STAM2: variants seen among roughly 807,000 people sequenced by gnomAD.
STAM2 encodes the protein signal transducing adapter molecule 2.
A neutral mutation model predicts 65.6 loss-of-function variants in STAM2; 51 were observed. That is an observed-to-expected ratio of 0.78 (90% confidence interval 0.62 to 0.98). The LOEUF is 0.98. Among genes scored for constraint, STAM2 ranks in the 50% least tolerant of loss-of-function variants. The pLI is 0.00. For synonymous variants in STAM2, 198 were observed against 208.4 expected, an observed-to-expected ratio of 0.95 and a Z score of 0.43; for missense variants, 584 against 617.8, an observed-to-expected ratio of 0.95 and a Z score of 0.58.
chr2:152,156,448 G>A (rs1689548206), intron 1 of STAM2, among the ~76,000 whole-genome samples: 1 of 152,130 alleles, frequency 6.6e-6, no homozygotes, highest in African/African-American at 2.4e-5. Flanking sequence ...TTTGCCCAAT[G>A]TTGGGGCCCT....
chr2:152,175,208 C>T (rs1201910381), intron 1 of STAM2, among the ~76,000 whole-genome samples: 2 of 152,210 alleles, frequency 1.3e-5, no homozygotes, highest in Non-Finnish European at 2.9e-5. Flanking sequence ...ACAGCAGGGT[C>T]TCCACTGCTG....
chr2:152,172,908 A>T (rs1266985640), intron 1 of STAM2, among the ~76,000 whole-genome samples: 1 of 151,792 alleles, frequency 6.6e-6, no homozygotes, highest in Non-Finnish European at 1.5e-5. Context: ...TGGGAAGGAG[A>T]GGATAGTGTC....
At position 152,122,546 on chromosome 2, in the gene STAM2, A is replaced by T. The variant is rs567861838; in HGVS notation, c.1349+1220T>A. Reference sequence around the variant, plus strand: ...TCCACAGTTCCTAGTGTTACCAAACATAGCAAAATTTTATATTTTATTCTA... The same window carrying T: ...TCCACAGTTCCTAGTGTTACCAAACTTAGCAAAATTTTATATTTTATTCTA... On this transcript the variant is annotated intron_variant, in intron 13 of 13. Transcript: ENST00000263904. 6.6e-5 allele frequency among the ~76,000 whole-genome samples: 10 copies of T among 152,230 alleles called. 1 individual carries two copies. In the South Asian group the frequency reaches 2.1e-3, roughly 32 times the overall value.
At chr2:152,162,074 T>G (rs2105563305) in intron 1 of STAM2, among the ~76,000 whole-genome samples, 1 of 152,300 alleles carries the variant, frequency 6.6e-6, no homozygotes, top group Non-Finnish European at 1.5e-5. Context: ...CCACTCATCT[T>G]GGCCTCCCAA....
At position 152,175,705 on chromosome 2, in the gene STAM2, G is replaced by A. The variant is rs1050820543; in HGVS notation, c.-63C>T. 24 of 1,561,200 alleles carry A rather than the reference G, an allele frequency of 1.5e-5. No individual in the cohort carries two copies. The African/African-American group carries it at 2.4e-4, about 16-fold the overall frequency. ...TGACACTCAGCAACTGCTACCCGCC[G>A]GGTGACCCGCGGCCGCGGCTCCCTA... On this transcript the variant is annotated 5_prime_UTR_variant, in exon 1 of 14. Transcript: ENST00000263904.
intron 1 of STAM2, among the ~76,000 whole-genome samples, chr2:152,154,443 C>G (rs1218212089): frequency 6.6e-6 from 1 of 152,204 alleles, no homozygotes. Flanking sequence ...TGGTAAAACC[C>G]TGTCTCTACA....
chr2:152,155,082 C>G (rs1356474147), intron 1 of STAM2, among the ~76,000 whole-genome samples: 1 of 152,156 alleles, frequency 6.6e-6, no homozygotes, highest in Admixed American at 6.5e-5. Flanking sequence ...AACCTTTCAC[C>G]ACATTCCACC....
intron 13 of STAM2, among the ~76,000 whole-genome samples, chr2:152,121,422 G>A (rs1047662960): frequency 3.9e-5 from 6 of 152,154 alleles, no homozygotes; most frequent in African/African-American, 1.2e-4. Context: ...AACTGTTCCT[G>A]ACAGAAGTAC....
intron 1 of STAM2, among the ~76,000 whole-genome samples, chr2:152,161,803 T>C (rs1689683392): frequency 6.6e-6 from 1 of 152,176 alleles, no homozygotes; most frequent in African/African-American, 2.4e-5. Context: ...TTCTTAAAAA[T>C]ACATTCTGCA....
intron 11 of STAM2, among the ~76,000 whole-genome samples, chr2:152,129,887 A>C (rs1689027472): frequency 6.6e-6 from 1 of 152,230 alleles, no homozygotes; most frequent in South Asian, 2.1e-4. Context: ...TCATTTCTTT[A>C]GAAAACACAA....
chr2:152,122,089 T>C (rs1454352417), intron 13 of STAM2, among the ~76,000 whole-genome samples: 1 of 150,598 alleles, frequency 6.6e-6, no homozygotes, highest in Non-Finnish European at 1.5e-5. Context: ...TGTGTGTGTG[T>C]GTGTGTGTGT....
chr2:152,119,169 A>G lies in STAM2; in HGVS notation c.*1405T>C, dbSNP rs1172493792. On this transcript the variant is annotated 3_prime_UTR_variant, in exon 14 of 14. Coordinates refer to ENST00000263904, the MANE Select transcript of STAM2 (RefSeq NM_005843.6). ...TTTTTCCCAATCTGAATATGTTTCC[A>G]TACATGTATGTATTTGCAATTTCTA... 1 of 152,214 alleles carries G rather than the reference A, an allele frequency of 6.6e-6. No homozygotes were observed. Among genetic ancestry groups the G allele is most frequent in the Non-Finnish European group, 1.5e-5 (1 of 68,020 alleles). The allele number at this position is 152,214 out of a possible 1,614,324, so 9.4% of individuals were successfully genotyped here.
chr2:152,168,632 T>C (rs772027127), intron 1 of STAM2, among the ~76,000 whole-genome samples: 2 of 152,360 alleles, frequency 1.3e-5, no homozygotes, highest in Non-Finnish European at 1.5e-5. Flanking sequence ...TAAATGTTAT[T>C]AAGGAATAAA....
intron 1 of STAM2, among the ~76,000 whole-genome samples, chr2:152,175,357 T>C (rs1473302762): frequency 6.6e-6 from 1 of 152,086 alleles, no homozygotes; most frequent in Non-Finnish European, 1.5e-5. Context: ...AATCCTACGC[T>C]TGGCAAGGAG....
chr2:152,159,110 TACACACACAG>T (rs1689610364), intron 1 of STAM2, among the ~76,000 whole-genome samples: 8 of 129,158 alleles, frequency 6.2e-5, no homozygotes, highest in East Asian at 3.1e-4. Flanking sequence ...TATATATATA[TACACACACAG>T]ATATATATAA....
At position 152,150,247 on chromosome 2, in the gene STAM2, A is replaced by C. The variant is rs1048839605; in HGVS notation, c.41-18T>G. On this transcript the variant is annotated intron_variant, in intron 1 of 13. Transcript: ENST00000263904. The stretch of plus-strand genomic sequence containing the variant: ...GGCTTTTTCTATAAAATATATTGGC[A>C]TACACAACAATGAGGACACATCTCA... 4 of 1,505,028 alleles carry C rather than the reference A, an allele frequency of 2.7e-6. No homozygotes were observed. Among genetic ancestry groups the C allele is most frequent in the Non-Finnish European group, 3.7e-6 (4 of 1,082,646 alleles). 93.2% of individuals were successfully genotyped at this position (1,505,028 alleles called of 1,614,324 possible).
At position 152,120,741 on chromosome 2, in the gene STAM2, C is replaced by G. The variant is rs1281997222; in HGVS notation, c.1411G>C (p.Ala471Pro). The change falls in exon 14 of 14, where the codon GCT becomes CCT. Residue 471 changes from alanine to proline, a missense_variant. Ala to Pro is a conservative substitution (Grantham distance 27). Coordinates refer to ENST00000263904, the MANE Select transcript of STAM2 (RefSeq NM_005843.6). ...YMNQNSNLQS[A>P]TGTTAYTQQM... ...TGTGTGTAAGCAGTTGTACCAGTAG[C>G]TGACTGTAGGTTAGAGTTCTGGTTC... is the stretch of plus-strand genomic sequence containing the variant. The G allele has an allele frequency of 6.2e-7, 1 of 1,614,018 alleles. No homozygotes were observed. Among genetic ancestry groups the G allele is most frequent in the Non-Finnish European group, 8.5e-7 (1 of 1,180,030 alleles).
intron 1 of STAM2, among the ~76,000 whole-genome samples, chr2:152,153,881 TACATACAC>T (rs1241608346): frequency 3.6e-5 from 3 of 83,402 alleles, no homozygotes; most frequent in Non-Finnish European, 7.8e-5. Context: ...TTCCAGACAT[TACATACAC>T]ACACACACAC....
At chr2:152,138,876 T>C (rs1255776592) in intron 7 of STAM2, among the ~76,000 whole-genome samples, 2 of 152,176 alleles carry the variant, frequency 1.3e-5, no homozygotes, top group Non-Finnish European at 2.9e-5. Flanking sequence ...CCCAAACCTG[T>C]GAAATGGATG....
Sources: allele counts gnomAD v4.1 joint callset (sites outside exome capture counted in the v4.1 genomes callset), GRCh38; gene constraint gnomAD v4.1.1; transcripts MANE v1.5; gene names NCBI Gene and HGNC (gene_info 2026-07-23, HGNC 2026-07-21).